The following P2RY12 variants were observed in gnomAD, a reference collection of about 807,000 sequenced individuals.
P2RY12 encodes the protein purinergic receptor P2Y12.
In P2RY12, 3 loss-of-function variants were observed where a neutral mutation model predicts 4.5. The ratio of observed to expected loss-of-function variants is 0.67; its 90% CI spans 0.31 to 1.74. P2RY12 has a LOEUF of 1.74. Among genes scored for constraint, P2RY12 ranks in the 40% most tolerant of loss-of-function variants. P2RY12 has a pLI of 0.09. For synonymous variants in P2RY12, 148 were observed against 154.1 expected, an observed-to-expected ratio of 0.96 and a Z score of 0.29; for missense variants, 356 against 407.8, an observed-to-expected ratio of 0.87 and a Z score of 1.09.
intron 1 of P2RY12, among the ~76,000 whole-genome samples, chr3:151,376,640 AATAT>A (rs1180863388): frequency 2.0e-5 from 3 of 152,204 alleles, no homozygotes; most frequent in African/African-American, 7.2e-5. Flanking sequence ...ATCGCTACTG[AATAT>A]ATATGCAGCA....
chr3:151,356,057 T>A (rs1560069659), intron 1 of P2RY12: 2 of 1,597,260 alleles, frequency 1.3e-6, no homozygotes, highest in Non-Finnish European at 1.7e-6. Flanking sequence ...AGAGACCATG[T>A]TTCTCTTACT....
chr3:151,383,909 A>G (rs757613262), intron 1 of P2RY12: 9 of 1,594,572 alleles, frequency 5.6e-6, no homozygotes, highest in Non-Finnish European at 7.7e-6. Context: ...ATCACTTCAC[A>G]TTGATTTTGC....
intron 1 of P2RY12, among the ~76,000 whole-genome samples, chr3:151,353,868 G>A (rs552121851): frequency 3.9e-5 from 6 of 152,162 alleles, no homozygotes; most frequent in South Asian, 4.2e-4. Context: ...CTGGCCGGGC[G>A]CGGTGGCTCA....
chr3:151,373,775 A>G (rs912057474), intron 1 of P2RY12, among the ~76,000 whole-genome samples: 5 of 152,022 alleles, frequency 3.3e-5, no homozygotes, highest in African/African-American at 1.2e-4. Context: ...AATAGTTGGT[A>G]TTTTCATAGT....
intron 1 of P2RY12, among the ~76,000 whole-genome samples, chr3:151,344,991 T>C (rs1254982695): frequency 6.6e-6 from 1 of 152,228 alleles, no homozygotes; most frequent in African/African-American, 2.4e-5. Context: ...TTCCTTTAAC[T>C]CCATTTCTTC....
chr3:151,368,549 G>A lies in P2RY12; in HGVS notation c.-180+16143C>T, dbSNP rs185737465. Among the ~76,000 whole-genome samples, 294 of 151,242 alleles carry A rather than the reference G, an allele frequency of 1.9e-3. 1 individual carries two copies. The highest frequency in any genetic ancestry group is 2.4e-3 in the Non-Finnish European group (163 of 67,876). On this transcript the variant is annotated intron_variant, in intron 1 of 2. Transcript: ENST00000302632. ...GTCCTCTCACGTACTGTGTGTGTTGGTTCTGAACCACATCACAGCAGCTTA... is the reference window on the plus strand; with the variant it reads ...GTCCTCTCACGTACTGTGTGTGTTGATTCTGAACCACATCACAGCAGCTTA...
chr3:151,347,727 A>T (rs1055194824), intron 1 of P2RY12, among the ~76,000 whole-genome samples: 3 of 152,176 alleles, frequency 2.0e-5, no homozygotes, highest in Non-Finnish European at 4.4e-5. Context: ...CATGTGAATT[A>T]ACAGTAGTGA....
chr3:151,353,958 G>A (rs1384898583), intron 1 of P2RY12, among the ~76,000 whole-genome samples: 1 of 151,160 alleles, frequency 6.6e-6, no homozygotes, highest in Non-Finnish European at 1.5e-5. Flanking sequence ...CGGCTAACAC[G>A]GTGAAACCCC....
intron 1 of P2RY12, among the ~76,000 whole-genome samples, chr3:151,341,945 T>C (rs949703288): frequency 3.3e-5 from 5 of 152,186 alleles, no homozygotes; most frequent in African/African-American, 9.7e-5. Flanking sequence ...CCATGGTGTA[T>C]ATGTGCCACA....
intron 1 of P2RY12, among the ~76,000 whole-genome samples, chr3:151,351,736 AT>A (rs1283519781): frequency 6.6e-6 from 1 of 152,126 alleles, no homozygotes; most frequent in Admixed American, 6.6e-5. Flanking sequence ...TATCTAAATT[AT>A]TTTTAGAGGG....
At chr3:151,356,964 G>A (rs1391655967) in intron 1 of P2RY12, among the ~76,000 whole-genome samples, 1 of 152,080 alleles carries the variant, frequency 6.6e-6, no homozygotes, top group Admixed American at 6.6e-5. Context: ...TACAGTCCAG[G>A]ACCTTGCACT....
chr3:151,357,156 G>A, intron 1 of P2RY12: 2 of 1,387,998 alleles, frequency 1.4e-6, no homozygotes, highest in Admixed American at 4.5e-5. Context: ...AAAAATAAAT[G>A]TTTTCTCTAT....
chr3:151,384,048 C>T (rs769321014), intron 1 of P2RY12: 7 of 1,591,330 alleles, frequency 4.4e-6, no homozygotes, highest in Non-Finnish European at 6.0e-6. Context: ...ATTTCAGTTT[C>T]ACTTTAAGAT....
chr3:151,356,090 G>A (rs1753883487), intron 1 of P2RY12: 1 of 1,568,274 alleles, frequency 6.4e-7, no homozygotes, highest in Non-Finnish European at 8.7e-7. Context: ...AATCCACCAG[G>A]CATTGTGCAA....
intron 1 of P2RY12, among the ~76,000 whole-genome samples, chr3:151,351,186 C>T (rs752084375): frequency 6.6e-6 from 1 of 152,076 alleles, no homozygotes; most frequent in Non-Finnish European, 1.5e-5. Flanking sequence ...AATTTGTCCA[C>T]CCTAGATCTT....
At chr3:151,355,943 A>T (rs1295708955) in intron 1 of P2RY12, 1 of 1,614,108 alleles carries the variant, frequency 6.2e-7, no homozygotes, top group East Asian at 2.2e-5. Flanking sequence ...CGTCAGGAAC[A>T]TCCTATCATC....
At chr3:151,361,950 A>G (rs1324287609) in intron 1 of P2RY12, among the ~76,000 whole-genome samples, 1 of 152,126 alleles carries the variant, frequency 6.6e-6, no homozygotes, top group Non-Finnish European at 1.5e-5. Flanking sequence ...TTTACTATAG[A>G]TGGGTAGGAG....
In P2RY12 at chr3:151,338,018, CA is replaced by C. The variant is rs1304393300; in HGVS notation, c.827del (p.Leu276ArgfsTer4). 2 of 1,613,970 alleles carry C rather than the reference CA, an allele frequency of 1.2e-6. No individual in the cohort carries two copies. Among genetic ancestry groups the C allele is most frequent in the African/African-American group, 2.7e-5 (2 of 74,934 alleles). On this transcript the variant is annotated frameshift_variant, in exon 3 of 3. Coordinates refer to ENST00000302632, the MANE Select transcript of P2RY12 (RefSeq NM_022788.5). LOFTEE classifies it low-confidence loss of function (END_TRUNC). ...ACAGAGTGCTCTCTTTCACATAGAA[CA>C]GAGTATTTTCAGCAGTGCAGTCAAA... ...DVFDCTAENT[L>X]FYVKESTLWL...
chr3:151,339,021 T>C (rs149368673), intron 2 of P2RY12, among the ~76,000 whole-genome samples, 162 bp from the exon 3 acceptor site: 1 of 152,182 alleles, frequency 6.6e-6, no homozygotes, highest in Middle Eastern at 3.2e-3. Flanking sequence ...TCCCAAAATA[T>C]TTCATTGCAG....
Sources: allele counts gnomAD v4.1 joint callset (sites outside exome capture counted in the v4.1 genomes callset), GRCh38; gene constraint gnomAD v4.1.1; transcripts MANE v1.5; gene names NCBI Gene and HGNC (gene_info 2026-07-23, HGNC 2026-07-21).